Variants in USP34 observed in about 807,000 individuals in gnomAD.
USP34 encodes the protein ubiquitin carboxyl-terminal hydrolase 34.
Under a neutral mutation model 460.3 loss-of-function variants are expected in USP34, and 70 were observed. The observed-to-expected ratio is 0.15, with a 90% CI of 0.13 to 0.19. The LOEUF is 0.19. Among genes scored for constraint, USP34 ranks in the 10% least tolerant of loss-of-function variants. USP34 has a pLI of 1.00. For synonymous variants in USP34, 1,647 were observed against 1,405.3 expected (o/e 1.17, Z -3.85); for missense variants, 3,985 against 4,236.2 (o/e 0.94, Z 1.65).
At chr2:61,278,975 AAC>A (rs1200525035) in intron 39 of USP34, among the ~76,000 whole-genome samples, 1 of 152,182 alleles carries the variant, frequency 6.6e-6, no homozygotes, top group Non-Finnish European at 1.5e-5. Context: ...ACAACATTAA[AAC>A]AGACTTCACA....
intron 27 of USP34, among the ~76,000 whole-genome samples, chr2:61,301,835 C>CA (rs1690235413): frequency 6.6e-6 from 1 of 152,138 alleles, no homozygotes; most frequent in Non-Finnish European, 1.5e-5. Flanking sequence ...CCTTACCGCC[C>CA]AATCTAAAAG....
intron 67 of USP34, among the ~76,000 whole-genome samples, chr2:61,219,767 A>G (rs1044706691): frequency 5.3e-5 from 8 of 152,122 alleles, no homozygotes. Context: ...AATAGATAGA[A>G]AATGTTTATA....
chr2:61,383,973 G>A (rs545204521), intron 5 of USP34, among the ~76,000 whole-genome samples: 6 of 152,002 alleles, frequency 3.9e-5, no homozygotes, highest in East Asian at 1.9e-4. Flanking sequence ...CTCTTTGTAC[G>A]GTAGCATCCC....
At chr2:61,308,483 A>AG (rs1454043314) in intron 27 of USP34, among the ~76,000 whole-genome samples, 1 of 152,166 alleles carries the variant, frequency 6.6e-6, no homozygotes, top group Non-Finnish European at 1.5e-5. Context: ...TAAATTAGGA[A>AG]GAGTCTTACA....
Position 61,283,590 on chromosome 2 carries a change from TGAGAGTGAGAGA to T in USP34, c.4833-153_4833-142del, listed in dbSNP as rs1189814449. ...GTGGGTGTGTGAGTGAGAGTGAGAG[TGAGAGTGAGAGA>T]GAGTGTGAGTGTGTGTGTGTTTTAA... On this transcript the variant is annotated intron_variant, in intron 35 of 79. Coordinates refer to ENST00000398571, the MANE Select transcript of USP34 (RefSeq NM_014709.4). 4.1e-6 allele frequency: 3 copies of T among 739,038 alleles called. No homozygotes were observed. The African/African-American group carries it at 5.5e-5, about 14-fold the overall frequency. The allele number at this position is 739,038 out of a possible 1,614,324, so 45.8% of individuals were successfully genotyped here.
At chr2:61,271,439 TAA>T (rs1689210565) in intron 41 of USP34, among the ~76,000 whole-genome samples, 1 of 152,226 alleles carries the variant, frequency 6.6e-6, no homozygotes, top group African/African-American at 2.4e-5. Context: ...AAATTTTGCA[TAA>T]GACAAATGTA....
At chr2:61,417,927 G>C (rs923441114) in intron 2 of USP34, among the ~76,000 whole-genome samples, 2 of 150,570 alleles carry the variant, frequency 1.3e-5, no homozygotes, top group Non-Finnish European at 3.0e-5. Context: ...TTTTAGTAGA[G>C]ACAGGGTTTC....
At chr2:61,424,854 G>C (rs147469979) in intron 1 of USP34, among the ~76,000 whole-genome samples, 5 of 152,110 alleles carry the variant, frequency 3.3e-5, no homozygotes, top group African/African-American at 9.6e-5. Context: ...TTTTGAGAGG[G>C]AGTCTCACTC....
At chr2:61,395,664 T>G (rs914316490) in intron 3 of USP34, among the ~76,000 whole-genome samples, 1 of 148,448 alleles carries the variant, frequency 6.7e-6, no homozygotes, top group East Asian at 2.0e-4. Context: ...CGGGCGCCTG[T>G]AGTCCCAGCT....
chr2:61,267,765 C>T (rs1689095342), intron 41 of USP34, among the ~76,000 whole-genome samples: 1 of 152,066 alleles, frequency 6.6e-6, no homozygotes, highest in Non-Finnish European at 1.5e-5. Flanking sequence ...AGGCGCCCAC[C>T]ACAACACCCG....
intron 44 of USP34, among the ~76,000 whole-genome samples, chr2:61,258,076 A>G (rs752780030): frequency 2.0e-4 from 30 of 151,940 alleles, no homozygotes; most frequent in Non-Finnish European, 2.1e-4. Flanking sequence ...ATTAAAGGCC[A>G]GGTATGATAG....
intron 44 of USP34, 56 bp from the exon 45 acceptor site, chr2:61,257,406 GTTC>G: frequency 6.9e-7 from 1 of 1,443,430 alleles, no homozygotes; most frequent in Non-Finnish European, 9.2e-7. Flanking sequence ...AAAATTATAG[GTTC>G]TTCAATGAAC....
chr2:61,280,507 T>A (rs933303679), intron 38 of USP34, among the ~76,000 whole-genome samples, 159 bp from the exon 39 acceptor site: 6 of 152,010 alleles, frequency 3.9e-5, no homozygotes, highest in African/African-American at 1.4e-4. Flanking sequence ...TTCTGTAAAA[T>A]CAGAATAACC....
chr2:61,434,342 C>A (rs547030612), intron 1 of USP34, among the ~76,000 whole-genome samples: 1 of 152,078 alleles, frequency 6.6e-6, no homozygotes, highest in East Asian at 2.0e-4. Context: ...CAACACCTGA[C>A]AGACACATCT....
chr2:61,328,223 AC>A lies in USP34; in HGVS notation c.2931-2767del, dbSNP rs201575725. Among the ~76,000 whole-genome samples the A allele has an allele frequency of 6.6e-3, 997 of 151,464 alleles. 16 individuals are homozygous for A. Among genetic ancestry groups the A allele is most frequent in the African/African-American group, 0.022 (915 of 41,250 alleles). On this transcript the variant is annotated intron_variant, in intron 20 of 79. Transcript: ENST00000398571. ...AGGCTGAGGCACGAGAATCACTTAA[AC>A]CCAGGAGGTGGAGGTTACAGTGAGC...
At chr2:61,335,028 C>G (rs1303509226) in intron 18 of USP34, among the ~76,000 whole-genome samples, 2 of 152,110 alleles carry the variant, frequency 1.3e-5, no homozygotes, top group African/African-American at 4.8e-5. Flanking sequence ...GAGTCAAAGT[C>G]ATCCCAAAGC....
intron 61 of USP34, among the ~76,000 whole-genome samples, chr2:61,227,581 C>T (rs781402444): frequency 2.0e-5 from 3 of 151,910 alleles, no homozygotes; most frequent in African/African-American, 4.8e-5. Flanking sequence ...CGTGGTGGCA[C>T]GCGCTTGTAA....
At position 61,189,041 on chromosome 2, in the gene USP34, G is replaced by A; in HGVS notation, c.9902C>T (p.Ser3301Leu). 1 of 1,614,096 alleles carries A rather than the reference G, an allele frequency of 6.2e-7. No individual in the cohort carries two copies. The highest frequency in any genetic ancestry group is 8.5e-7 in the Non-Finnish European group (1 of 1,180,016). ...GTTTAACTGTTTGGGAGTGTGTACTGACAGGAGCAAAGCGAGTGCCCTCAG... is the reference window on the plus strand; with the variant it reads ...GTTTAACTGTTTGGGAGTGTGTACTAACAGGAGCAAAGCGAGTGCCCTCAG... ...GDLRALALLL[S>L]VHTPKQLNPA... The change falls in exon 79 of 80, where the codon TCA becomes TTA. Residue 3301 changes from serine to leucine, a missense_variant. By Grantham distance (145) the Ser-to-Leu change is moderately radical. Around this residue, in one of 14 missense-constraint regions of USP34, gnomAD observed 506 missense variants for 439.0 expected, o/e 1.15. Transcript: ENST00000398571.
chr2:61,236,957 T>C (rs985187930), intron 53 of USP34, among the ~76,000 whole-genome samples: 1 of 152,228 alleles, frequency 6.6e-6, no homozygotes, highest in African/African-American at 2.4e-5. Flanking sequence ...TAGCTGTTTT[T>C]TGTAGAGTTA....
Sources: allele counts gnomAD v4.1 joint callset (sites outside exome capture counted in the v4.1 genomes callset), GRCh38; gene constraint gnomAD v4.1.1; regional missense constraint gnomAD v4.1.1; transcripts MANE v1.5; gene names NCBI Gene and HGNC (gene_info 2026-07-23, HGNC 2026-07-21).